CFAP221: variants seen among roughly 807,000 people sequenced by gnomAD.
CFAP221 encodes cilia- and flagella-associated protein 221.
In CFAP221, 97 loss-of-function variants were observed where a neutral mutation model predicts 113.1. That is an observed-to-expected ratio of 0.86 (90% confidence interval 0.73 to 1.02). CFAP221 has a LOEUF of 1.02. Ranked by LOEUF, CFAP221 falls within the 50% of genes least tolerant of loss-of-function variation. The pLI is 0.00. For synonymous variants in CFAP221, 331 were observed against 354.4 expected (o/e 0.93, Z 0.74); for missense variants, 1,025 against 1,013.4 (o/e 1.01, Z -0.16).
chr2:119,616,221 AC>A (rs1199038934), intron 14 of CFAP221, among the ~76,000 whole-genome samples: 1 of 152,198 alleles, frequency 6.6e-6, no homozygotes, highest in East Asian at 1.9e-4. Context: ...GCTTTTGGTA[AC>A]TGCTTCTTTC....
chr2:119,590,761 G>A (rs1012567426), intron 7 of CFAP221, among the ~76,000 whole-genome samples: 2 of 152,200 alleles, frequency 1.3e-5, no homozygotes, highest in Non-Finnish European at 2.9e-5. Flanking sequence ...TTCCAGAGCA[G>A]AGCCATTACA....
At chr2:119,554,714 G>A (rs1019817065) in intron 3 of CFAP221, among the ~76,000 whole-genome samples, 5 of 152,112 alleles carry the variant, frequency 3.3e-5, no homozygotes, top group Non-Finnish European at 7.4e-5. Context: ...AACATAGTAC[G>A]TCTTTCTAGA....
At chr2:119,556,709 C>T (rs1026583269) in intron 3 of CFAP221, among the ~76,000 whole-genome samples, 2 of 151,926 alleles carry the variant, frequency 1.3e-5, no homozygotes, top group Non-Finnish European at 2.9e-5. Flanking sequence ...CCCACCACCA[C>T]GCCCAGCTAT....
rs181607937 is a variant in CFAP221 at position 119,636,533 on chromosome 2, G to A, written c.1975-1726G>A. 5.8e-4 allele frequency among the ~76,000 whole-genome samples: 88 copies of A among 152,306 alleles called. 1 individual carries two copies. The highest frequency in any genetic ancestry group is 1.9e-3 in the African/African-American group (81 of 41,560). On this transcript the variant is annotated intron_variant, in intron 19 of 23. Transcript: ENST00000413369. ...GGAAGGGGCATTTGTGTACCTAAGC[G>A]AAGTCCTTGTCTTGCATAGTAATGA...
intron 23 of CFAP221, among the ~76,000 whole-genome samples, chr2:119,652,852 A>G (rs1166401313): frequency 1.3e-5 from 2 of 150,686 alleles, no homozygotes; most frequent in Non-Finnish European, 3.0e-5. Flanking sequence ...TAAAAATTAG[A>G]AAATATAAAA....
intron 7 of CFAP221, chr2:119,589,469 C>G (rs1485449309): frequency 3.3e-5 from 5 of 152,204 alleles, no homozygotes; most frequent in Non-Finnish European, 7.3e-5. Context: ...TTCAGATAGA[C>G]TAAGAAACTG....
chr2:119,625,547 T>C (rs1205432369), intron 14 of CFAP221, 36 bp from the exon 15 acceptor site: 15 of 1,538,778 alleles, frequency 9.7e-6, no homozygotes, highest in Middle Eastern at 1.7e-4. Flanking sequence ...CGTGTGTTGA[T>C]TAATAATTTG....
At chr2:119,603,704 G>A (rs2104670516) in intron 8 of CFAP221, among the ~76,000 whole-genome samples, 1 of 152,130 alleles carries the variant, frequency 6.6e-6, no homozygotes, top group South Asian at 2.1e-4. Context: ...ATGCCAAATT[G>A]GTACTGAACA....
intron 14 of CFAP221, among the ~76,000 whole-genome samples, chr2:119,618,655 G>A (rs1685685997): frequency 6.6e-6 from 1 of 152,060 alleles, no homozygotes; most frequent in Non-Finnish European, 1.5e-5. Context: ...CACAAAACTG[G>A]GTGGCCATTT....
chr2:119,615,792 T>A, intron 14 of CFAP221, 83 bp downstream of exon 14: 3 of 963,906 alleles, frequency 3.1e-6, no homozygotes, highest in Non-Finnish European at 3.1e-6. Flanking sequence ...TGATAACACC[T>A]TTATTGAGAT....
chr2:119,629,818 C>T, intron 16 of CFAP221, 57 bp from the exon 17 acceptor site: 1 of 1,338,426 alleles, frequency 7.5e-7, no homozygotes, highest in South Asian at 1.2e-5. Context: ...GAAACAGAAG[C>T]ATAGCCACTC....
At chr2:119,582,595 A>G (rs1391810545) in intron 6 of CFAP221, among the ~76,000 whole-genome samples, 1 of 151,992 alleles carries the variant, frequency 6.6e-6, no homozygotes, top group Non-Finnish European at 1.5e-5. Context: ...AGCTGGGACT[A>G]CAGGCACACG....
chr2:119,552,991 C>A (rs537617434), intron 3 of CFAP221, among the ~76,000 whole-genome samples: 35 of 152,092 alleles, frequency 2.3e-4, no homozygotes, highest in Non-Finnish European at 4.4e-4. Context: ...TGGTGAGAGT[C>A]CCCATTACAT....
At chr2:119,620,597 A>C (rs529953692) in intron 14 of CFAP221, among the ~76,000 whole-genome samples, 1 of 152,218 alleles carries the variant, frequency 6.6e-6, no homozygotes, top group African/African-American at 2.4e-5. Context: ...GGAAGCAATA[A>C]ATTTGGAAAG....
At chr2:119,595,570 A>T (rs959230103) in intron 7 of CFAP221, among the ~76,000 whole-genome samples, 4 of 152,002 alleles carry the variant, frequency 2.6e-5, no homozygotes, top group African/African-American at 9.7e-5. Flanking sequence ...TACATACTTC[A>T]TCTGTCCATT....
intron 7 of CFAP221, among the ~76,000 whole-genome samples, chr2:119,591,245 A>G (rs1268273782): frequency 1.3e-5 from 2 of 152,234 alleles, no homozygotes; most frequent in African/African-American, 4.8e-5. Flanking sequence ...CACCAAACCC[A>G]ATAGTGAGGA....
chr2:119,606,831 A>T (rs967139649), intron 11 of CFAP221, among the ~76,000 whole-genome samples: 60 of 152,282 alleles, frequency 3.9e-4, no homozygotes, highest in African/African-American at 1.4e-3. Context: ...TCTTAAACTG[A>T]CATACACTTG....
chr2:119,559,563 A>T, intron 3 of CFAP221, 126 bp from the exon 4 acceptor site: 1 of 746,986 alleles, frequency 1.3e-6, no homozygotes, highest in Non-Finnish European at 2.2e-6. Context: ...TATTTCAAAT[A>T]TTTTGAAAAG....
At chr2:119,623,447 T>A (rs2104739910) in intron 14 of CFAP221, among the ~76,000 whole-genome samples, 1 of 152,334 alleles carries the variant, frequency 6.6e-6, no homozygotes, top group Non-Finnish European at 1.5e-5. Context: ...CTGCCCAAAG[T>A]AATTTATAGA....
Sources: gnomAD v4.1 joint callset for allele counts (sites outside exome capture counted in the v4.1 genomes callset) on GRCh38, gnomAD v4.1.1 for gene constraint, MANE v1.5 for transcripts, NCBI Gene and HGNC (gene_info 2026-07-23, HGNC 2026-07-21) for gene names.